Variants in NARS1 observed in about 807,000 individuals in gnomAD.
NARS1 encodes the protein asparagine--tRNA ligase, cytoplasmic.
In NARS1, 65 loss-of-function variants were observed where a neutral mutation model predicts 79.2. The ratio of observed to expected loss-of-function variants is 0.82; its 90% CI spans 0.67 to 1.01. NARS1 has a LOEUF of 1.01. Among genes scored for constraint, NARS1 ranks in the 50% least tolerant of loss-of-function variants. The probability of loss-of-function intolerance (pLI) is 0.00; values close to 1 mark genes in which losing one functional copy is unlikely to be tolerated. For missense variants in NARS1, 649 were observed against 673.8 expected (o/e 0.96, Z 0.41); for synonymous variants, 229 against 238.8 (o/e 0.96, Z 0.38).
intron 13 of NARS1, 136 bp downstream of exon 13, chr18:57,602,219 A>G: frequency 2.5e-6 from 2 of 806,290 alleles, no homozygotes; most frequent in Middle Eastern, 3.9e-4. Context: ...CACACACCAC[A>G]TTATAACCTG....
At chr18:57,616,953 A>C (rs1452506265) in intron 2 of NARS1, among the ~76,000 whole-genome samples, 1 of 93,776 alleles carries the variant, frequency 1.1e-5, no homozygotes, top group African/African-American at 3.3e-5. Flanking sequence ...TGTCTCAAAA[A>C]AAAAAAAAAA....
At position 57,601,746 on chromosome 18, in the gene NARS1, A is replaced by C; in HGVS notation, c.1553T>G (p.Leu518Trp). ...CCACGTTAAGAATCGTTCCAAGCCC[A>C]AGCCATATCCTCCATGGGGACATGT... ...YGTCPHGGYG[L>W]GLERFLTWIL... The change falls in exon 14 of 14, where the codon TTG (leucine) becomes TGG (tryptophan). Residue 518 changes from leucine (L) to tryptophan (W), a missense_variant. Leu to Trp is a moderately conservative substitution (Grantham distance 61, BLOSUM62 -2). Coordinates refer to ENST00000256854, the MANE Select transcript of NARS1 (RefSeq NM_004539.4). The C allele has an allele frequency of 1.9e-6, 3 of 1,613,788 alleles. No individual in the cohort carries two copies. The highest frequency in any genetic ancestry group is 2.5e-6 in the Non-Finnish European group (3 of 1,179,646).
rs141933170 is a variant in NARS1 at position 57,604,844 on chromosome 18, G to A, written c.1251+1013C>T. ...TTCAAGGTTGTAGCCAGCTATGATC[G>A]CACCAATGCATTCCAGCCTGGACGA... On this transcript the variant is annotated intron_variant, in intron 11 of 13. Coordinates refer to ENST00000256854, the MANE Select transcript of NARS1 (RefSeq NM_004539.4). 1.2e-3 allele frequency among the ~76,000 whole-genome samples: 184 copies of A among 152,200 alleles called. 1 individual carries two copies. Among genetic ancestry groups the A allele is most frequent in the African/African-American group, 4.0e-3 (167 of 41,526 alleles).
rs1202062488 is a variant in NARS1 at position 57,602,411 on chromosome 18, C to A, written c.1459G>T (p.Ala487Ser). 6.2e-6 allele frequency: 10 copies of A among 1,613,868 alleles called. No homozygotes were observed. The highest frequency in any genetic ancestry group is 8.5e-6 in the Non-Finnish European group (10 of 1,179,816). The change falls in exon 13 of 14, where the codon GCA becomes TCA. Residue 487 changes from alanine (A) to serine (S), a missense_variant. Coordinates refer to ENST00000256854, the MANE Select transcript of NARS1 (RefSeq NM_004539.4). ...MRIFDSEEIL[A>S]GYKREGIDPT... is the part of the protein sequence containing the mutation. ...TCAATCCCTTCCCTTTTATAACCTG[C>A]CAGTATTTCTTCACTATCAAAGATA... is the stretch of plus-strand genomic sequence containing the variant.
chr18:57,616,145 G>T, intron 2 of NARS1, 170 bp from the exon 3 acceptor site: 1 of 623,368 alleles, frequency 1.6e-6, no homozygotes, highest in Non-Finnish European at 2.6e-6. Context: ...CACACTGGTT[G>T]GCTGGGCGCG....
intron 11 of NARS1, among the ~76,000 whole-genome samples, chr18:57,604,100 C>G (rs1285144362): frequency 6.6e-6 from 1 of 152,190 alleles, no homozygotes; most frequent in Non-Finnish European, 1.5e-5. Flanking sequence ...TTCAGTTACA[C>G]AGCACAAAAG....
intron 11 of NARS1, among the ~76,000 whole-genome samples, chr18:57,605,147 A>C (rs201205695): frequency 1.6e-5 from 2 of 128,144 alleles, no homozygotes; most frequent in South Asian, 2.4e-4. Flanking sequence ...ATATATATAT[A>C]TATATATCTA....
Position 57,605,855 on chromosome 18 carries a change from AC to A in NARS1, c.1251+1del. ...GAAACAATGAGAGAAAGGGATACAT[AC>A]TTCTCCAAATTCATAGAAAGTTCCA... is the stretch of plus-strand genomic sequence containing the variant. On this transcript the variant is annotated splice_donor_variant, in intron 11 of 13. Transcript: ENST00000256854. LOFTEE classifies it high-confidence loss of function. 6.3e-7 allele frequency: 1 copy of A among 1,581,300 alleles called. No individual in the cohort carries two copies. Among genetic ancestry groups the A allele is most frequent in the Non-Finnish European group, 8.7e-7 (1 of 1,153,614 alleles).
At chr18:57,602,790 A>G (rs1442399481) in intron 12 of NARS1, 22 bp downstream of exon 12, 2 of 1,612,632 alleles carry the variant, frequency 1.2e-6, no homozygotes, top group South Asian at 2.2e-5. Context: ...AATTATTAAT[A>G]CTCTTTGAAA....
intron 2 of NARS1, among the ~76,000 whole-genome samples, chr18:57,618,078 A>T (rs1908133323): frequency 6.6e-6 from 1 of 151,674 alleles, no homozygotes; most frequent in Non-Finnish European, 1.5e-5. Flanking sequence ...AGAGTTCGAG[A>T]CCAGCCTGGC....
rs566345399 is a variant in NARS1 at position 57,615,358 on chromosome 18, C to T, written c.342+283G>A. 1.5e-4 allele frequency among the ~76,000 whole-genome samples: 23 copies of T among 151,958 alleles called. No homozygotes were observed. In the East Asian group the frequency reaches 3.5e-3, roughly 23 times the overall value. Reference sequence around the variant, plus strand: ...TCTACCAAAAATACAAAACATTAGCCGGGCGTGGTGGCGGGCGCCTGTAGT... The same window carrying T: ...TCTACCAAAAATACAAAACATTAGCTGGGCGTGGTGGCGGGCGCCTGTAGT... On this transcript the variant is annotated intron_variant, in intron 4 of 13. Coordinates refer to ENST00000256854, the MANE Select transcript of NARS1 (RefSeq NM_004539.4).
intron 9 of NARS1, 119 bp downstream of exon 9, chr18:57,607,015 T>G: frequency 8.8e-7 from 1 of 1,134,168 alleles, no homozygotes; most frequent in Non-Finnish European, 1.3e-6. Flanking sequence ...TGTTCTTCCA[T>G]TAACCACTTA....
intron 7 of NARS1, among the ~76,000 whole-genome samples, chr18:57,608,011 GC>G (rs769266396): frequency 4.0e-5 from 6 of 151,820 alleles, no homozygotes; most frequent in Non-Finnish European, 8.8e-5. Flanking sequence ...GGGATTACAG[GC>G]GCCCACCACC....
intron 2 of NARS1, among the ~76,000 whole-genome samples, chr18:57,616,277 A>C (rs1215505134): frequency 6.6e-6 from 1 of 151,968 alleles, no homozygotes; most frequent in East Asian, 1.9e-4. Flanking sequence ...AAAATTAGCC[A>C]GGTGTGGTGG....
rs1304097347 is a variant in NARS1 at position 57,615,745 on chromosome 18, G to A, written c.253-15C>T. 1 of 1,610,214 alleles carries A rather than the reference G, an allele frequency of 6.2e-7. No individual in the cohort carries two copies. ...CTATCTTCTGCCTAATTTTAATGAT[G>A]AAGCAGTTTGTTAACATGGTTGCCA... is the stretch of plus-strand genomic sequence containing the variant. On this transcript the variant is annotated splice_polypyrimidine_tract_variant and intron_variant, in intron 3 of 13. Transcript: ENST00000256854.
At chr18:57,604,207 A>G (rs534298202) in intron 11 of NARS1, among the ~76,000 whole-genome samples, 2 of 152,360 alleles carry the variant, frequency 1.3e-5, no homozygotes, top group Admixed American at 6.5e-5. Context: ...TATTAGGAAC[A>G]CTAAAAGTAT....
intron 1 of NARS1, among the ~76,000 whole-genome samples, chr18:57,620,922 A>C (rs993554617): frequency 6.6e-6 from 1 of 152,180 alleles, no homozygotes; most frequent in Non-Finnish European, 1.5e-5. Flanking sequence ...CAAAAATAAA[A>C]TATGGGCTTT....
At chr18:57,612,088 G>A (rs2051608883) in intron 5 of NARS1, among the ~76,000 whole-genome samples, 1 of 152,098 alleles carries the variant, frequency 6.6e-6, no homozygotes, top group Admixed American at 6.6e-5. Flanking sequence ...GAAACTCCAA[G>A]GTTAAACATT....
At chr18:57,601,807 AAG>A in intron 13 of NARS1, 24 bp from the exon 14 acceptor site, 1 of 1,607,472 alleles carries the variant, frequency 6.2e-7, no homozygotes. Flanking sequence ...GAAAGAAAGA[AAG>A]AGGAGTAAAT....
Sources: gnomAD v4.1 joint callset for allele counts (sites outside exome capture counted in the v4.1 genomes callset) on GRCh38, gnomAD v4.1.1 for gene constraint, MANE v1.5 for transcripts, NCBI Gene and HGNC (gene_info 2026-07-23, HGNC 2026-07-21) for gene names.